Variants in TG observed in about 807,000 individuals in gnomAD.
TG encodes thyroid hormones.
In TG, 270 loss-of-function variants were observed where a neutral mutation model predicts 324.7. The ratio of observed to expected loss-of-function variants is 0.83; its 90% CI spans 0.75 to 0.92. The LOEUF (loss-of-function observed/expected upper bound fraction) is 0.92. TG is among the 40% of genes least tolerant of loss of function. TG has a pLI of 0.00. For synonymous variants in TG, 1,401 were observed against 1,327.0 expected, an observed-to-expected ratio of 1.06 and a Z score of -1.21; for missense variants, 3,591 against 3,456.4, an observed-to-expected ratio of 1.04 and a Z score of -0.98.
At chr8:133,118,111 C>T (rs115969954) in intron 45 of TG, among the ~76,000 whole-genome samples, 200 of 152,186 alleles carry the variant, frequency 1.3e-3, no homozygotes, top group African/African-American at 4.6e-3. Flanking sequence ...TAATGGCCAC[C>T]TCAAGATAGA....
intron 45 of TG, among the ~76,000 whole-genome samples, chr8:133,129,113 C>T (rs1378187055): frequency 1.3e-5 from 2 of 152,246 alleles, no homozygotes; most frequent in Admixed American, 6.5e-5. Context: ...ATTCCCTCTT[C>T]AGAGGCTCCA....
intron 43 of TG, chr8:133,106,446 C>T (rs1849816194): frequency 1.0e-6 from 1 of 985,264 alleles, no homozygotes; most frequent in African/African-American, 1.7e-5. Context: ...AGCTCTTCTC[C>T]CAGGTCCCGC....
chr8:133,001,190 G>A (rs1474242623), intron 35 of TG, among the ~76,000 whole-genome samples: 1 of 151,682 alleles, frequency 6.6e-6, no homozygotes, highest in African/African-American at 2.4e-5. Context: ...ACATCCTGAG[G>A]ACCTACGGGT....
intron 11 of TG, among the ~76,000 whole-genome samples, 178 bp downstream of exon 11, chr8:132,894,107 G>A (rs1563921457): frequency 6.6e-6 from 1 of 152,098 alleles, no homozygotes; most frequent in Non-Finnish European, 1.5e-5. Context: ...AATGCTGCAC[G>A]CATCTCTAAA....
At chr8:133,131,143 C>A (rs1851918074) in intron 45 of TG, among the ~76,000 whole-genome samples, 1 of 152,232 alleles carries the variant, frequency 6.6e-6, no homozygotes. Flanking sequence ...TTCCACTCTA[C>A]CACTCTCCCT....
Position 133,070,029 on chromosome 8 carries a change from A to AAAAC in TG, c.7240-25014_7240-25013insAACA, listed in dbSNP as rs376711807. 5.1e-4 allele frequency among the ~76,000 whole-genome samples: 56 copies of AAAAC among 109,786 alleles called. 10 individuals carry two copies. Among genetic ancestry groups the AAAAC allele is most frequent in the African/African-American group, 8.5e-4 (22 of 25,814 alleles). The allele number at this position is 109,786 out of a possible 152,430, so 72.0% of individuals were successfully genotyped here. A position where few individuals can be genotyped will look rare whatever the true frequency, so the allele number is the denominator to read the frequency against. Reference sequence around the variant, plus strand: ...AAAAAAAAAAAAAAAAAAAAAAAGAAAGAAAGAAAGAAAAGAAAAGAAGAA... The same window carrying AAAAC: ...AAAAAAAAAAAAAAAAAAAAAAAGAAAAACAGAAAGAAAGAAAAGAAAAGAAGAA... On this transcript the variant is annotated intron_variant, in intron 41 of 47. Transcript: ENST00000220616.
chr8:133,075,596 A>T (rs1453622027), intron 41 of TG, among the ~76,000 whole-genome samples: 1 of 152,246 alleles, frequency 6.6e-6, no homozygotes, highest in Non-Finnish European at 1.5e-5. Context: ...CTTAGGGGAC[A>T]TGCGGTGACC....
At chr8:132,995,558 T>C (rs1245479373) in intron 35 of TG, 4 of 983,692 alleles carry the variant, frequency 4.1e-6, no homozygotes, top group Non-Finnish European at 3.6e-6. Flanking sequence ...TCAGAATTTC[T>C]ATCGTTTTGC....
intron 45 of TG, among the ~76,000 whole-genome samples, chr8:133,117,991 G>A (rs900256364): frequency 6.6e-6 from 1 of 152,194 alleles, no homozygotes; most frequent in Non-Finnish European, 1.5e-5. Flanking sequence ...ACCATAAGTT[G>A]TCCAACCCAT....
chr8:133,061,235 C>G (rs932936812), intron 41 of TG, among the ~76,000 whole-genome samples: 5 of 152,208 alleles, frequency 3.3e-5, no homozygotes, highest in African/African-American at 9.7e-5. Context: ...TCTTGGACTC[C>G]TGATCTCAGG....
chr8:133,039,589 G>A (rs1366448316), intron 41 of TG, among the ~76,000 whole-genome samples: 1 of 152,154 alleles, frequency 6.6e-6, no homozygotes, highest in Non-Finnish European at 1.5e-5. Context: ...AAACAAAGAA[G>A]TCACTGTAGG....
intron 29 of TG, among the ~76,000 whole-genome samples, chr8:132,964,261 C>G (rs1459575274): frequency 2.0e-5 from 3 of 152,064 alleles, no homozygotes; most frequent in African/African-American, 4.8e-5. Context: ...TCCCCCTGCC[C>G]CCTGCTTTCT....
At chr8:133,050,750 T>A in intron 41 of TG, 3 of 1,058,084 alleles carry the variant, frequency 2.8e-6, no homozygotes, top group Non-Finnish European at 4.4e-6. Flanking sequence ...AACAATCAAA[T>A]ACTTTTCTCC....
intron 35 of TG, among the ~76,000 whole-genome samples, chr8:133,005,108 C>G (rs189063409): frequency 6.6e-6 from 1 of 152,280 alleles, no homozygotes; most frequent in Admixed American, 6.5e-5. Context: ...CATTTTGGGA[C>G]TTGCTAAGCT....
In TG at chr8:132,975,591, G is replaced by T. The variant is rs570995389; in HGVS notation, c.6199+2850G>T. 2.4e-4 allele frequency among the ~76,000 whole-genome samples: 36 copies of T among 152,328 alleles called. No homozygotes were observed. The South Asian group carries it at 5.4e-3, about 23-fold the overall frequency. On this transcript the variant is annotated intron_variant, in intron 34 of 47. Transcript: ENST00000220616. ...CTTATTCAACCAACATTGACTGAGCGTTAATCATACCTGGGGGTCCTCTGG... is the reference window on the plus strand; with the variant it reads ...CTTATTCAACCAACATTGACTGAGCTTTAATCATACCTGGGGGTCCTCTGG...
Position 132,879,572 on chromosome 8 carries a change from A to G in TG, c.639-2291A>G, listed in dbSNP as rs79970367. Reference sequence around the variant, plus strand: ...ATCATATTAGCTCTTCTCACTATATACAGAATTAGCAAGAAGGGATTAAAG... The same window carrying G: ...ATCATATTAGCTCTTCTCACTATATGCAGAATTAGCAAGAAGGGATTAAAG... On this transcript the variant is annotated intron_variant, in intron 5 of 47. Coordinates refer to ENST00000220616, the MANE Select transcript of TG (RefSeq NM_003235.5). 2.2e-3 allele frequency among the ~76,000 whole-genome samples: 333 copies of G among 152,366 alleles called. 4 individuals carry two copies. In the East Asian group the frequency reaches 0.034, roughly 15 times the overall value.
intron 43 of TG, among the ~76,000 whole-genome samples, chr8:133,110,640 G>A (rs1417566232): frequency 5.9e-5 from 9 of 152,194 alleles, no homozygotes; most frequent in African/African-American, 1.2e-4. Flanking sequence ...GATTAAGGGC[G>A]TATGCCAGAC....
chr8:132,958,413 T>A (rs894692494), intron 27 of TG, among the ~76,000 whole-genome samples: 1 of 152,132 alleles, frequency 6.6e-6, no homozygotes, highest in Non-Finnish European at 1.5e-5. Context: ...AGTATATCAA[T>A]AGATTTGGGT....
chr8:132,998,608 G>A (rs551750556), intron 35 of TG, among the ~76,000 whole-genome samples: 1 of 152,358 alleles, frequency 6.6e-6, no homozygotes, highest in South Asian at 2.1e-4. Flanking sequence ...ATGAGCCACT[G>A]AGGATGGATA....
Sources: gnomAD v4.1 joint callset for allele counts (sites outside exome capture counted in the v4.1 genomes callset) on GRCh38, gnomAD v4.1.1 for gene constraint, MANE v1.5 for transcripts, NCBI Gene and HGNC (gene_info 2026-07-23, HGNC 2026-07-21) for gene names.